The following STAMBPL1 variants were observed in gnomAD, a reference collection of about 807,000 sequenced individuals.
STAMBPL1 encodes the protein AMSH-like protease.
In STAMBPL1, 44 loss-of-function variants were observed where a neutral mutation model predicts 52.9. That is an observed-to-expected ratio of 0.83 (90% CI 0.65 to 1.07). The LOEUF (loss-of-function observed/expected upper bound fraction) is 1.07. Ranked by LOEUF, STAMBPL1 falls within the 50% of genes least tolerant of loss-of-function variation. The pLI is 0.00. For synonymous variants in STAMBPL1, 164 were observed against 177.3 expected (o/e 0.92, Z 0.60); for missense variants, 511 against 520.8 (o/e 0.98, Z 0.18).
At chr10:88,907,375 T>G (rs1845101981) in intron 3 of STAMBPL1, among the ~76,000 whole-genome samples, 1 of 152,200 alleles carries the variant, frequency 6.6e-6, no homozygotes, top group South Asian at 2.1e-4. Flanking sequence ...AAATCACTTG[T>G]TTTTAGAAAG....
chr10:88,909,890 C>A (rs533826064), intron 4 of STAMBPL1, among the ~76,000 whole-genome samples: 1 of 152,084 alleles, frequency 6.6e-6, no homozygotes, highest in Non-Finnish European at 1.5e-5. Flanking sequence ...TGTGAGCCAC[C>A]GCACCCAGCC....
intron 1 of STAMBPL1, among the ~76,000 whole-genome samples, chr10:88,891,474 T>G (rs1236692577): frequency 1.3e-5 from 2 of 152,154 alleles, no homozygotes; most frequent in Non-Finnish European, 2.9e-5. Context: ...CTAAAATTAG[T>G]GGGCAATGGT....
intron 1 of STAMBPL1, among the ~76,000 whole-genome samples, chr10:88,899,183 G>C (rs944630270): frequency 6.6e-6 from 1 of 152,132 alleles, no homozygotes; most frequent in Non-Finnish European, 1.5e-5. Context: ...TTATCCTTCT[G>C]TGAATTCAAG....
intron 3 of STAMBPL1, among the ~76,000 whole-genome samples, chr10:88,907,868 A>G (rs1400747146): frequency 1.3e-5 from 2 of 152,226 alleles, no homozygotes; most frequent in Non-Finnish European, 2.9e-5. Flanking sequence ...AATGATGAGT[A>G]TATGTGTGTA....
chr10:88,882,501 G>T (rs1277007417), intron 1 of STAMBPL1: 1 of 152,144 alleles, frequency 6.6e-6, no homozygotes, highest in African/African-American at 2.4e-5. Flanking sequence ...TACAATCCAA[G>T]AAATGAGATT....
intron 3 of STAMBPL1, among the ~76,000 whole-genome samples, chr10:88,906,057 A>T (rs942230032): frequency 2.0e-5 from 3 of 152,188 alleles, no homozygotes; most frequent in African/African-American, 7.2e-5. Context: ...ATCAACATTT[A>T]AAAAATTTGA....
chr10:88,905,771 C>T (rs1845058474), intron 3 of STAMBPL1, 111 bp downstream of exon 3: 2 of 811,126 alleles, frequency 2.5e-6, no homozygotes, highest in East Asian at 5.3e-5. Context: ...ACCAATTGCA[C>T]AGTCTCTAGG....
At position 88,921,383 on chromosome 10, in the gene STAMBPL1, C is replaced by G. The variant is rs746125946; in HGVS notation, c.1142C>G (p.Pro381Arg). 1 of 1,612,468 alleles carries G rather than the reference C, an allele frequency of 6.2e-7. No individual in the cohort carries two copies. Among genetic ancestry groups the G allele is most frequent in the East Asian group, 2.2e-5 (1 of 44,842 alleles). ...LPEAIAIVCSPKHKDTGIFRL... is the reference protein window; with the variant it reads ...LPEAIAIVCSRKHKDTGIFRL... ...GAGGCCATTGCCATTGTTTGCTCACCAAAGCATAAAGAGTAAGTGTAACTC... is the reference window on the plus strand; with the variant it reads ...GAGGCCATTGCCATTGTTTGCTCACGAAAGCATAAAGAGTAAGTGTAACTC... Residue 381 changes from proline (P) to arginine (R), a missense_variant, in exon 9 of 11, where the codon CCA becomes CGA. Transcript: ENST00000371926.
chr10:88,922,294 A>G (rs767901068), intron 9 of STAMBPL1, 43 bp from the exon 10 acceptor site: 4 of 1,593,608 alleles, frequency 2.5e-6, no homozygotes, highest in Non-Finnish European at 3.4e-6. Flanking sequence ...GAATGCCCAA[A>G]TGATCCTTAA....
Position 88,913,394 on chromosome 10 carries a change from T to C in STAMBPL1, c.714T>C (p.Tyr238=), listed in dbSNP as rs1845279287. The part of the protein sequence containing the change: ...DQPNKSDATN[Y]ASHSPPVNRA... ...CTAATAAAAGTGATGCAACCAATTA[T>C]GCTAGCCACTCTCCTCCTGTAAACA... The change falls in exon 6 of 11, where the codon TAT becomes TAC. Residue 238 remains tyrosine (Y), a synonymous_variant. Transcript: ENST00000371926. 1 of 1,613,676 alleles carries C rather than the reference T, an allele frequency of 6.2e-7. No individual in the cohort carries two copies.
At chr10:88,909,488 AT>A (rs1405861373) in intron 4 of STAMBPL1, among the ~76,000 whole-genome samples, 1 of 152,242 alleles carries the variant, frequency 6.6e-6, no homozygotes, top group Non-Finnish European at 1.5e-5. Flanking sequence ...ATTTTAAATA[AT>A]TTTTGAAAAA....
chr10:88,913,001 T>C, intron 5 of STAMBPL1, 100 bp from the exon 6 acceptor site: 1 of 1,002,494 alleles, frequency 1.0e-6, no homozygotes, highest in Non-Finnish European at 1.5e-6. Flanking sequence ...TCACAGTATC[T>C]AGCATTTTCT....
chr10:88,916,633 T>A (rs746229951), intron 7 of STAMBPL1, 47 bp from the exon 8 acceptor site: 47 of 1,550,348 alleles, frequency 3.0e-5, no homozygotes, highest in Non-Finnish European at 3.8e-5. Context: ...AGTTATTTTT[T>A]TTTTTTCTGT....
At chr10:88,906,951 C>T (rs1303638626) in intron 3 of STAMBPL1, among the ~76,000 whole-genome samples, 1 of 152,148 alleles carries the variant, frequency 6.6e-6, no homozygotes, top group Admixed American at 6.5e-5. Context: ...TCATCATATA[C>T]ACTGGACCTC....
intron 1 of STAMBPL1, among the ~76,000 whole-genome samples, chr10:88,883,063 A>G (rs997292071): frequency 1.6e-5 from 2 of 128,776 alleles, no homozygotes; most frequent in African/African-American, 3.0e-5. Context: ...CCTGTGTCCA[A>G]GTGTTCTTAT....
chr10:88,886,087 A>C (rs553365959), intron 1 of STAMBPL1, among the ~76,000 whole-genome samples: 1 of 152,222 alleles, frequency 6.6e-6, no homozygotes, highest in Non-Finnish European at 1.5e-5. Context: ...AAAATAAACA[A>C]TTTTTTAAAG....
intron 5 of STAMBPL1, among the ~76,000 whole-genome samples, chr10:88,911,874 T>A (rs1266184430): frequency 6.6e-6 from 1 of 152,126 alleles, no homozygotes; most frequent in Non-Finnish European, 1.5e-5. Context: ...GATAGAAATT[T>A]TCTTGGAGGG....
intron 2 of STAMBPL1, among the ~76,000 whole-genome samples, chr10:88,902,240 A>C (rs1006538853): frequency 6.6e-6 from 1 of 152,186 alleles, no homozygotes; most frequent in African/African-American, 2.4e-5. Context: ...GCTACATCAC[A>C]TGGGCTTATT....
intron 3 of STAMBPL1, 82 bp from the exon 4 acceptor site, chr10:88,908,620 A>C: frequency 8.6e-7 from 1 of 1,161,416 alleles, no homozygotes; most frequent in Non-Finnish European, 1.2e-6. Context: ...ATTTTTGAAA[A>C]AGGATCCTCA....
Sources: gnomAD v4.1 joint callset for allele counts (sites outside exome capture counted in the v4.1 genomes callset) on GRCh38, gnomAD v4.1.1 for gene constraint, MANE v1.5 for transcripts, NCBI Gene and HGNC (gene_info 2026-07-23, HGNC 2026-07-21) for gene names.